TPD52L1: variants seen among roughly 807,000 people sequenced by gnomAD.
TPD52L1 encodes the protein TPD52 like 1.
In TPD52L1, 18 loss-of-function variants were observed where a neutral mutation model predicts 28.7. That is an observed-to-expected ratio of 0.63 (90% CI 0.43 to 0.93). The LOEUF is 0.93. Among genes scored for constraint, TPD52L1 ranks in the 40% least tolerant of loss-of-function variants. The pLI is 0.00. For synonymous variants in TPD52L1, 75 were observed against 88.8 expected (o/e 0.84, Z 0.88); for missense variants, 203 against 254.8 (o/e 0.80, Z 1.39).
chr6:125,208,854 C>T (rs1794330283), intron 1 of TPD52L1: 1 of 967,868 alleles, frequency 1.0e-6, no homozygotes, highest in African/African-American at 1.8e-5. Flanking sequence ...CAGGGAGAGT[C>T]TGGGTCCTGA....
chr6:125,155,335 C>T (rs1790050138), intron 1 of TPD52L1, among the ~76,000 whole-genome samples: 1 of 152,220 alleles, frequency 6.6e-6, no homozygotes, highest in Admixed American at 6.5e-5. Context: ...CAACCCCATC[C>T]CAGTCAAACT....
intron 1 of TPD52L1, among the ~76,000 whole-genome samples, chr6:125,161,019 A>C (rs1019362350): frequency 6.6e-6 from 1 of 152,048 alleles, no homozygotes; most frequent in South Asian, 2.1e-4. Context: ...CGCCCTGCTA[A>C]TTTTTGTGTT....
chr6:125,154,013 C>A (rs761253073), intron 1 of TPD52L1, 43 bp downstream of exon 1: 4 of 1,583,608 alleles, frequency 2.5e-6, no homozygotes, highest in Non-Finnish European at 3.4e-6. Flanking sequence ...TCCTGGGGCG[C>A]GCATAAAGGC....
chr6:125,162,779 C>T, intron 1 of TPD52L1, among the ~76,000 whole-genome samples: 1 of 152,194 alleles, frequency 6.6e-6, no homozygotes, highest in Non-Finnish European at 1.5e-5. Flanking sequence ...AAGCAAAGTG[C>T]TTAAAGCAGG....
intron 1 of TPD52L1, among the ~76,000 whole-genome samples, chr6:125,164,122 C>A (rs553860654): frequency 6.6e-6 from 1 of 152,192 alleles, no homozygotes; most frequent in Non-Finnish European, 1.5e-5. Flanking sequence ...AATTACCATT[C>A]TATAGGTACT....
chr6:125,261,756 A>G (rs963910754), intron 6 of TPD52L1: 3 of 152,128 alleles, frequency 2.0e-5, no homozygotes, highest in African/African-American at 7.2e-5. Flanking sequence ...CAAAATACTT[A>G]GCCTTATTTT....
intron 3 of TPD52L1, among the ~76,000 whole-genome samples, chr6:125,237,948 C>CG (rs1341654388): frequency 1.3e-5 from 2 of 152,218 alleles, no homozygotes; most frequent in African/African-American, 4.8e-5. Flanking sequence ...GCGTGAGCCA[C>CG]GACGCCCAGG....
chr6:125,254,728 A>C (rs555502507), intron 5 of TPD52L1, among the ~76,000 whole-genome samples: 13 of 152,348 alleles, frequency 8.5e-5, no homozygotes, highest in Admixed American at 8.5e-4. Context: ...TTTAACTGTC[A>C]TGAAGAGAAA....
intron 3 of TPD52L1, among the ~76,000 whole-genome samples, chr6:125,240,706 C>T (rs909487221): frequency 1.3e-5 from 2 of 152,036 alleles, no homozygotes; most frequent in African/African-American, 4.8e-5. Flanking sequence ...ATTCATTCAT[C>T]AGATCTAGTA....
At chr6:125,176,920 C>T (rs1562224293) in intron 1 of TPD52L1, among the ~76,000 whole-genome samples, 1 of 152,068 alleles carries the variant, frequency 6.6e-6, no homozygotes, top group Non-Finnish European at 1.5e-5. Flanking sequence ...TGCCTGAAGT[C>T]CCAGCTGCCT....
chr6:125,241,036 G>T (rs554410806), intron 3 of TPD52L1, among the ~76,000 whole-genome samples: 1 of 152,012 alleles, frequency 6.6e-6, no homozygotes, highest in East Asian at 1.9e-4. Flanking sequence ...TAATCATAAA[G>T]GGATGCCATA....
chr6:125,183,496 AGAAAT>A (rs1301774242), intron 1 of TPD52L1, among the ~76,000 whole-genome samples: 2 of 152,176 alleles, frequency 1.3e-5, no homozygotes, highest in African/African-American at 4.8e-5. Context: ...AAAAAAGAAA[AGAAAT>A]GAAATGAAAT....
intron 1 of TPD52L1, among the ~76,000 whole-genome samples, chr6:125,210,105 C>T (rs2114928020): frequency 6.6e-6 from 1 of 152,262 alleles, no homozygotes; most frequent in East Asian, 1.9e-4. Context: ...AAAGAGAAAG[C>T]TTATGGACGT....
intron 1 of TPD52L1, among the ~76,000 whole-genome samples, chr6:125,173,978 C>A (rs1582859866): frequency 6.6e-6 from 1 of 152,154 alleles, no homozygotes; most frequent in African/African-American, 2.4e-5. Flanking sequence ...CATGTTGTCA[C>A]AAAGATTTGG....
intron 1 of TPD52L1, among the ~76,000 whole-genome samples, chr6:125,210,838 A>C (rs1052928666): frequency 7.2e-5 from 11 of 152,216 alleles, no homozygotes; most frequent in Non-Finnish European, 1.5e-4. Context: ...TATTATCCCC[A>C]TTTTACAGAT....
chr6:125,172,549 T>TATATATAA (rs1316354182), intron 1 of TPD52L1, among the ~76,000 whole-genome samples: 8 of 92,048 alleles, frequency 8.7e-5, no homozygotes, highest in African/African-American at 3.0e-4. Context: ...TATATATATA[T>TATATATAA]ATAATATATA....
At chr6:125,155,779 T>G (rs1790078529) in intron 1 of TPD52L1, among the ~76,000 whole-genome samples, 1 of 152,222 alleles carries the variant, frequency 6.6e-6, no homozygotes, top group African/African-American at 2.4e-5. Flanking sequence ...CCTGTCTCTG[T>G]TCTTCGTGCT....
intron 1 of TPD52L1, among the ~76,000 whole-genome samples, chr6:125,183,672 C>G (rs912147774): frequency 1.3e-5 from 2 of 151,980 alleles, no homozygotes; most frequent in Non-Finnish European, 2.9e-5. Flanking sequence ...AAAAGCATCA[C>G]GATTACATGA....
chr6:125,165,511 T>C (rs1284342877), intron 1 of TPD52L1, among the ~76,000 whole-genome samples: 1 of 152,156 alleles, frequency 6.6e-6, no homozygotes, highest in Non-Finnish European at 1.5e-5. Context: ...GTCACCAACA[T>C]ATTGCTTCTT....
Sources: gnomAD v4.1 joint callset for allele counts (sites outside exome capture counted in the v4.1 genomes callset) on GRCh38, gnomAD v4.1.1 for gene constraint, MANE v1.5 for transcripts, NCBI Gene and HGNC (gene_info 2026-07-23, HGNC 2026-07-21) for gene names.